MALRD1: variants seen among roughly 807,000 people sequenced by gnomAD.
MALRD1 encodes the protein MAM and LDL-receptor class A domain-containing protein 1.
MALRD1 carries 247 observed loss-of-function variants against 242.1 expected under a neutral mutation model. The ratio of observed to expected loss-of-function variants is 1.02; its 90% CI spans 0.92 to 1.13. MALRD1 has a LOEUF of 1.13. MALRD1 is among the 50% of genes most tolerant of loss of function. MALRD1 has a pLI of 0.00. For missense variants in MALRD1, 2,989 were observed against 2,533.1 expected (o/e 1.18, Z -3.86); for synonymous variants, 995 against 866.6 (o/e 1.15, Z -2.60).
At chr10:19,345,743 G>T (rs1844087956) in intron 24 of MALRD1, among the ~76,000 whole-genome samples, 2 of 144,932 alleles carry the variant, frequency 1.4e-5, no homozygotes, top group Non-Finnish European at 3.0e-5. Context: ...TATTAGTCTT[G>T]ATGTTTTCTT....
intron 34 of MALRD1, among the ~76,000 whole-genome samples, chr10:19,601,050 T>G (rs1838316884): frequency 6.6e-6 from 1 of 151,942 alleles, no homozygotes. Flanking sequence ...GCTAATTTTT[T>G]AAAACAAAAT....
chr10:19,326,663 A>G (rs1290039187), intron 22 of MALRD1, among the ~76,000 whole-genome samples: 4 of 152,002 alleles, frequency 2.6e-5, no homozygotes, highest in Non-Finnish European at 2.9e-5. Flanking sequence ...CTAGTAACAC[A>G]TTATTTTTTC....
rs779221461 is a variant in MALRD1 at position 19,449,806 on chromosome 10, C to A, written c.4846-501C>A. Among the ~76,000 whole-genome samples the A allele has an allele frequency of 3.3e-5, 5 of 152,184 alleles. No homozygotes were observed. In the South Asian group the frequency reaches 6.2e-4, roughly 19 times the overall value. On this transcript the variant is annotated intron_variant, in intron 28 of 39. Transcript: ENST00000454679. ...CCATGACAGGAGTTTGCCTGTATAG[C>A]AAACCTGCACACGTACCCCTGAACC...
intron 23 of MALRD1, among the ~76,000 whole-genome samples, chr10:19,330,426 C>G (rs1285855397): frequency 6.6e-6 from 1 of 151,944 alleles, no homozygotes; most frequent in Admixed American, 6.6e-5. Flanking sequence ...AATATGGTAA[C>G]AGTAAATATT....
At chr10:19,214,788 C>T (rs1348645074) in intron 18 of MALRD1, among the ~76,000 whole-genome samples, 2 of 152,130 alleles carry the variant, frequency 1.3e-5, no homozygotes, top group Non-Finnish European at 2.9e-5. Flanking sequence ...GGAGCCAAAT[C>T]AGAGCTGTAA....
At chr10:19,174,248 G>T (rs1178692000) in intron 13 of MALRD1, among the ~76,000 whole-genome samples, 1 of 152,168 alleles carries the variant, frequency 6.6e-6, no homozygotes, top group Non-Finnish European at 1.5e-5. Context: ...GACCTATTTT[G>T]AGGAGAAGTA....
chr10:19,726,023 G>T (rs146456769), intron 38 of MALRD1, among the ~76,000 whole-genome samples: 108 of 152,264 alleles, frequency 7.1e-4, no homozygotes, highest in African/African-American at 2.3e-3. Context: ...AAATCTTCAT[G>T]ATCTTGGATT....
At chr10:19,529,880 A>G (rs1834275838) in intron 31 of MALRD1, among the ~76,000 whole-genome samples, 1 of 152,100 alleles carries the variant, frequency 6.6e-6, no homozygotes, top group Admixed American at 6.5e-5. Flanking sequence ...ACATAACATT[A>G]TGTAGTAATA....
rs934586865 is a variant in MALRD1, at chr10:19,389,589, T to C, written c.4825T>C (p.Ser1609Pro). Residue 1609 changes from serine to proline, a missense_variant, in exon 28 of 40, where the codon TCC becomes CCC. Transcript: ENST00000454679. Reference protein sequence around the residue: ...WYFVSAKATGSIQILIKTEKG... With the variant: ...WYFVSAKATGPIQILIKTEKG... ...TTTCGTATCTGCAAAGGCCACAGGA[T>C]CCATTCAGATTCTCATCAAGGTAGG... is the stretch of plus-strand genomic sequence containing the variant. The C allele has an allele frequency of 1.9e-6, 3 of 1,550,224 alleles. No homozygotes were observed. Among genetic ancestry groups the C allele is most frequent in the Non-Finnish European group, 2.6e-6 (3 of 1,146,838 alleles).
intron 29 of MALRD1, among the ~76,000 whole-genome samples, chr10:19,481,499 T>TAGAA (rs1196906455): frequency 6.6e-6 from 1 of 152,204 alleles, no homozygotes; most frequent in Non-Finnish European, 1.5e-5. Context: ...TGATAGTTCC[T>TAGAA]TCTAGAATAA....
At chr10:19,586,544 C>G (rs1053874235) in intron 33 of MALRD1, among the ~76,000 whole-genome samples, 20 of 152,182 alleles carry the variant, frequency 1.3e-4, no homozygotes, top group Non-Finnish European at 2.1e-4. Flanking sequence ...GCTCAGGGGT[C>G]AGGGGTCAGG....
chr10:19,238,227 A>G (rs185434461), intron 18 of MALRD1, among the ~76,000 whole-genome samples: 10 of 57,138 alleles, frequency 1.8e-4, no homozygotes, highest in African/African-American at 7.2e-4. Flanking sequence ...TATACATAAT[A>G]TATATTATAT....
chr10:19,393,125 T>A (rs1278816593), intron 28 of MALRD1, among the ~76,000 whole-genome samples: 2 of 152,136 alleles, frequency 1.3e-5, no homozygotes, highest in East Asian at 3.9e-4. Flanking sequence ...TTCTAAGGAG[T>A]AGGTTTGGCT....
At chr10:19,368,449 G>A (rs1323366029) in intron 26 of MALRD1, among the ~76,000 whole-genome samples, 2 of 151,776 alleles carry the variant, frequency 1.3e-5, no homozygotes, top group Non-Finnish European at 2.9e-5. Context: ...TTCATTTTGG[G>A]GTTCTGTATT....
intron 14 of MALRD1, among the ~76,000 whole-genome samples, chr10:19,199,769 C>G (rs1336344725): frequency 1.3e-5 from 2 of 151,566 alleles, no homozygotes; most frequent in Non-Finnish European, 2.9e-5. Flanking sequence ...CCACTGCACT[C>G]CATTCTGGGG....
intron 28 of MALRD1, among the ~76,000 whole-genome samples, chr10:19,393,212 A>ATTTT (rs1846411935): frequency 6.6e-6 from 1 of 151,866 alleles, no homozygotes; most frequent in Middle Eastern, 3.2e-3. Flanking sequence ...TGGCATCCTT[A>ATTTT]TTTTTGCTAA....
At chr10:19,245,513 A>C (rs1588770712) in intron 18 of MALRD1, among the ~76,000 whole-genome samples, 1 of 152,232 alleles carries the variant, frequency 6.6e-6, no homozygotes, top group South Asian at 2.1e-4. Flanking sequence ...TATCTCAGTT[A>C]CCAGGTCAAG....
intron 5 of MALRD1, among the ~76,000 whole-genome samples, chr10:19,104,800 G>T (rs1295182258): frequency 6.6e-6 from 1 of 152,036 alleles, no homozygotes; most frequent in East Asian, 1.9e-4. Context: ...TGTGGTAAAT[G>T]ATATTTCAAG....
chr10:19,709,375 G>C (rs1392155939), intron 38 of MALRD1, among the ~76,000 whole-genome samples: 2 of 151,964 alleles, frequency 1.3e-5, no homozygotes, highest in Non-Finnish European at 2.9e-5. Flanking sequence ...TAAGATTGGA[G>C]ATTGGCCACT....
Sources: allele counts gnomAD v4.1 joint callset (sites outside exome capture counted in the v4.1 genomes callset), GRCh38; gene constraint gnomAD v4.1.1; transcripts MANE v1.5; gene names NCBI Gene and HGNC (gene_info 2026-07-23, HGNC 2026-07-21).